The following LBR variants were observed in gnomAD, a reference collection of about 807,000 sequenced individuals.
The protein encoded by LBR is lamin B receptor, also known as delta(14)-sterol reductase LBR.
LBR carries 28 observed loss-of-function variants against 74.3 expected under a neutral mutation model. The observed-to-expected ratio is 0.38, with a 90% CI of 0.28 to 0.52. The LOEUF is 0.52. Among genes scored for constraint, LBR ranks in the 20% least tolerant of loss-of-function variants. The pLI is 0.89. For missense variants in LBR, 717 were observed against 760.3 expected (o/e 0.94, Z 0.67); for synonymous variants, 228 against 269.3 (o/e 0.85, Z 1.50).
intron 10 of LBR, 126 bp from the exon 11 acceptor site, chr1:225,406,958 A>G: frequency 1.1e-6 from 1 of 871,634 alleles, no homozygotes; most frequent in Non-Finnish European, 1.9e-6. Flanking sequence ...TTTTTTTGTT[A>G]AAGGGGAGAG....
chr1:225,427,759 A>C (rs2096143030), intron 1 of LBR, 195 bp downstream of exon 1: 1 of 149,528 alleles, frequency 6.7e-6, no homozygotes, highest in Non-Finnish European at 1.5e-5. Flanking sequence ...CGCCCCGACC[A>C]CCCGACTGGG....
In LBR at chr1:225,415,464, T is replaced by G. The variant is rs12089582; in HGVS notation, c.838-132A>C. The stretch of plus-strand genomic sequence containing the variant: ...CCAAGAAGGAAGATATCTTGTAACA[T>G]GGAAATTTAGTAATATGTTTCAAAA... On this transcript the variant is annotated intron_variant, in intron 6 of 13. Transcript: ENST00000272163. 0.051 allele frequency: 30,742 copies of G among 603,526 alleles called. 917 individuals are homozygous for G. The highest frequency in any genetic ancestry group is 0.066 in the South Asian group (3,330 of 50,674). 37.4% of individuals were successfully genotyped at this position (603,526 alleles called of 1,614,324 possible).
At chr1:225,425,704 C>T (rs1245163716) in intron 1 of LBR, among the ~76,000 whole-genome samples, 2 of 151,522 alleles carry the variant, frequency 1.3e-5, no homozygotes, top group Non-Finnish European at 2.9e-5. Context: ...CTCTTGAGCC[C>T]CCTCCTCCTC....
At chr1:225,423,452 C>T (rs1341720753) in intron 2 of LBR, among the ~76,000 whole-genome samples, 1 of 152,110 alleles carries the variant, frequency 6.6e-6, no homozygotes, top group Non-Finnish European at 1.5e-5. Context: ...CCCTACCACC[C>T]CCTTCCAGCA....
At chr1:225,405,977 A>G (rs2096090672) in intron 11 of LBR, among the ~76,000 whole-genome samples, 1 of 152,174 alleles carries the variant, frequency 6.6e-6, no homozygotes, top group African/African-American at 2.4e-5. Flanking sequence ...TGTAAGAACA[A>G]TGAAAATTCA....
chr1:225,416,746 T>C (rs999103297), intron 6 of LBR, among the ~76,000 whole-genome samples: 7 of 152,370 alleles, frequency 4.6e-5, no homozygotes, highest in Non-Finnish European at 8.8e-5. Flanking sequence ...GAGCTGAATA[T>C]GTACAGACTT....
Position 225,403,432 on chromosome 1 carries a change from T to C in LBR, c.1719A>G (p.Ile573Met), listed in dbSNP as rs1409601053. 1 of 1,612,612 alleles carries C rather than the reference T, an allele frequency of 6.2e-7. No homozygotes were observed. Among genetic ancestry groups the C allele is most frequent in the Non-Finnish European group, 8.5e-7 (1 of 1,178,834 alleles). The change falls in exon 14 of 14, where the codon ATA becomes ATG. Residue 573 changes from isoleucine to methionine, a missense_variant. Transcript: ENST00000272163. ...GFNHILPYFY[I>M]IYFTMLLVHR... ...GGACAAGCAACATGGTGAAATAAAT[T>C]ATGTAGAAATAAGGCAGAATGTGGT...
intron 10 of LBR, among the ~76,000 whole-genome samples, chr1:225,407,206 T>G (rs933914341): frequency 6.6e-6 from 1 of 152,102 alleles, no homozygotes; most frequent in African/African-American, 2.4e-5. Flanking sequence ...CACCCACCAG[T>G]AGGCTGCAGT....
chr1:225,420,089 C>A (rs2096124861), intron 3 of LBR, among the ~76,000 whole-genome samples: 3 of 152,232 alleles, frequency 2.0e-5, no homozygotes, highest in Non-Finnish European at 2.9e-5. Context: ...GGGTGGATCA[C>A]CTGAGGTCAG....
Position 225,411,417 on chromosome 1 carries a change from T to C in LBR, c.1108A>G (p.Ile370Val). The C allele has an allele frequency of 5.6e-6, 9 of 1,613,804 alleles. No individual in the cohort carries two copies. The highest frequency in any genetic ancestry group is 7.6e-6 in the Non-Finnish European group (9 of 1,179,696). Residue 370 changes from isoleucine to valine, a missense_variant, in exon 9 of 14, where the codon ATT becomes GTT. Transcript: ENST00000272163. ...SSGNAVYDFF[I>V]GRELNPRIGT... Reference sequence around the variant, plus strand: ...ATTCGAGGGTTTAATTCACGGCCAATGAAGAAATCATAGACAGCATTTCCT... The same window carrying C: ...ATTCGAGGGTTTAATTCACGGCCAACGAAGAAATCATAGACAGCATTTCCT...
chr1:225,405,503 T>A lies in LBR; in HGVS notation c.1484-797A>T, dbSNP rs559775137. 2.1e-4 allele frequency among the ~76,000 whole-genome samples: 32 copies of A among 152,252 alleles called. No individual in the cohort carries two copies. The South Asian group carries it at 6.4e-3, about 31-fold the overall frequency. The stretch of plus-strand genomic sequence containing the variant: ...GGCTATCACAGGAGTGGGCTCAGTA[T>A]CTCGAGTGGGTTTGTTATAAAAGTA... On this transcript the variant is annotated intron_variant, in intron 11 of 13. Transcript: ENST00000272163.
rs1245278420 is a variant in LBR at position 225,422,498 on chromosome 1, C to A, written c.166-221G>T. 5 of 567,650 alleles carry A rather than the reference C, an allele frequency of 8.8e-6. No individual in the cohort carries two copies. In the East Asian group the frequency reaches 1.5e-4, roughly 17 times the overall value. The allele number at this position is 567,650 out of a possible 1,614,324, so 35.2% of individuals were successfully genotyped here. ...CAAATGCAGCCTTTCCATTCCTGTT[C>A]TTTGAAGGTATTTCCATGAAACGAA... On this transcript the variant is annotated intron_variant, in intron 2 of 13. Transcript: ENST00000272163.
rs149920625 is a variant in LBR at position 225,423,985 on chromosome 1, C to T, written c.91G>A (p.Asp31Asn). The change falls in exon 2 of 14, where the codon GAC (aspartate) becomes AAC (asparagine). Residue 31 changes from aspartate to asparagine, a missense_variant. Coordinates refer to ENST00000272163, the MANE Select transcript of LBR (RefSeq NM_002296.4). ...LYYEVEILSHDSTSQLYTVKY... is the reference protein window; with the variant it reads ...LYYEVEILSHNSTSQLYTVKY... ...ACAGTGTAAAGCTGGGAGGTGCTGT[C>T]GTGGCTCAGAATTTCTACTTCATAA... The T allele has an allele frequency of 1.5e-5, 24 of 1,613,794 alleles. No individual in the cohort carries two copies. The African/African-American group carries it at 2.9e-4, about 20-fold the overall frequency.
At chr1:225,417,762 A>T in intron 6 of LBR, 1 of 539,856 alleles carries the variant, frequency 1.9e-6, no homozygotes, top group South Asian at 2.1e-5. Flanking sequence ...CAGACAGCAC[A>T]AGAGAAATGG....
At chr1:225,422,779 T>C (rs529385948) in intron 2 of LBR, among the ~76,000 whole-genome samples, 217 of 152,342 alleles carry the variant, frequency 1.4e-3, no homozygotes, top group African/African-American at 5.0e-3. Context: ...TCTAGGGATG[T>C]AGACAAATTA....
chr1:225,405,310 TC>T (rs1272204266), intron 11 of LBR, among the ~76,000 whole-genome samples: 1 of 152,234 alleles, frequency 6.6e-6, no homozygotes, highest in Non-Finnish European at 1.5e-5. Context: ...ATATAGTCGA[TC>T]CTCAATAAAC....
intron 6 of LBR, among the ~76,000 whole-genome samples, chr1:225,417,208 T>G (rs902938407): frequency 6.6e-6 from 1 of 152,176 alleles, no homozygotes; most frequent in Non-Finnish European, 1.5e-5. Flanking sequence ...CACTCCACAG[T>G]ATTAAGCCTG....
At position 225,411,393 on chromosome 1, in the gene LBR, T is replaced by C; in HGVS notation, c.1132A>G (p.Ile378Val). Residue 378 changes from isoleucine (I) to valine (V), a missense_variant, in exon 9 of 14, where the codon ATT (isoleucine) becomes GTT (valine). By Grantham distance (29) the Ile-to-Val change is conservative. Transcript: ENST00000272163. Reference protein sequence around the residue: ...FFIGRELNPRIGTFDLKYFCE... With the variant: ...FFIGRELNPRVGTFDLKYFCE... ...AAGTATTTGAGATCAAAAGTACCAATTCGAGGGTTTAATTCACGGCCAATG... is the reference window on the plus strand; with the variant it reads ...AAGTATTTGAGATCAAAAGTACCAACTCGAGGGTTTAATTCACGGCCAATG... The C allele has an allele frequency of 2.5e-6, 4 of 1,614,078 alleles. No homozygotes were observed. In the South Asian group the frequency reaches 3.3e-5, roughly 13 times the overall value.
intron 11 of LBR, among the ~76,000 whole-genome samples, chr1:225,405,554 ACT>A (rs992529911): frequency 6.6e-6 from 1 of 151,330 alleles, no homozygotes; most frequent in Non-Finnish European, 1.5e-5. Flanking sequence ...GCTCTTCCTC[ACT>A]CTCTCTTGCC....
Sources: allele counts gnomAD v4.1 joint callset (sites outside exome capture counted in the v4.1 genomes callset), GRCh38; gene constraint gnomAD v4.1.1; transcripts MANE v1.5; gene names NCBI Gene and HGNC (gene_info 2026-07-23, HGNC 2026-07-21).